NFYC: variants seen among roughly 807,000 people sequenced by gnomAD.
NFYC encodes nuclear transcription factor Y subunit gamma, also known as CAAT box DNA-binding protein subunit C.
NFYC carries 25 observed loss-of-function variants against 53.1 expected under a neutral mutation model. The observed-to-expected ratio is 0.47, with a 90% CI of 0.34 to 0.66. The LOEUF (loss-of-function observed/expected upper bound fraction) is 0.66. Ranked by LOEUF, NFYC falls within the 30% of genes least tolerant of loss-of-function variation. The pLI is 0.01. For synonymous variants in NFYC, 145 were observed against 152.6 expected (o/e 0.95, Z 0.37); for missense variants, 260 against 422.7 (o/e 0.62, Z 3.38).
intron 2 of NFYC, among the ~76,000 whole-genome samples, chr1:40,741,375 C>T (rs1272863995): frequency 6.6e-6 from 1 of 152,110 alleles, no homozygotes; most frequent in African/African-American, 2.4e-5. Context: ...TGTAAGTGTT[C>T]TGAGCACATT....
chr1:40,703,036 T>G (rs1643516967), intron 1 of NFYC, among the ~76,000 whole-genome samples: 1 of 151,734 alleles, frequency 6.6e-6, no homozygotes, highest in Non-Finnish European at 1.5e-5. Context: ...AGGCTGGTCT[T>G]GAACTCCTGA....
chr1:40,725,975 TATC>T (rs1323843896), intron 1 of NFYC, among the ~76,000 whole-genome samples: 1 of 152,194 alleles, frequency 6.6e-6, no homozygotes. Flanking sequence ...AAATGCAAAT[TATC>T]ATCTGAACTT....
At chr1:40,705,904 C>T (rs909028618) in intron 1 of NFYC, among the ~76,000 whole-genome samples, 1 of 152,054 alleles carries the variant, frequency 6.6e-6, no homozygotes, top group South Asian at 2.1e-4. Context: ...TGCCACCACA[C>T]CTAGCTAATT....
intron 2 of NFYC, among the ~76,000 whole-genome samples, chr1:40,747,050 A>G (rs1267237896): frequency 6.6e-6 from 1 of 152,226 alleles, no homozygotes; most frequent in East Asian, 1.9e-4. Context: ...TATCAGTTGT[A>G]AAGAACTGTG....
At chr1:40,730,034 G>A (rs961378165) in intron 1 of NFYC, among the ~76,000 whole-genome samples, 1 of 151,266 alleles carries the variant, frequency 6.6e-6, no homozygotes, top group Admixed American at 6.6e-5. Flanking sequence ...GCTTTCGATT[G>A]ATTGAGTTAG....
chr1:40,747,375 C>T (rs1415801413), intron 2 of NFYC, among the ~76,000 whole-genome samples, 159 bp from the exon 3 acceptor site: 1 of 152,012 alleles, frequency 6.6e-6, no homozygotes, highest in African/African-American at 2.4e-5. Context: ...AAGAATTTTG[C>T]TCTGGAGCTT....
intron 3 of NFYC, 113 bp from the exon 4 acceptor site, chr1:40,749,460 C>T: frequency 1.3e-6 from 1 of 762,240 alleles, no homozygotes; most frequent in Non-Finnish European, 2.3e-6. Flanking sequence ...TTGAGTATAC[C>T]ACCTCATTTT....
intron 1 of NFYC, among the ~76,000 whole-genome samples, chr1:40,715,469 C>T (rs1217533466): frequency 6.6e-6 from 1 of 151,804 alleles, no homozygotes; most frequent in East Asian, 1.9e-4. Context: ...TCTCGAACTC[C>T]TGGCCTCAAA....
intron 1 of NFYC, among the ~76,000 whole-genome samples, chr1:40,706,161 A>G (rs1230851721): frequency 2.0e-5 from 3 of 152,100 alleles, no homozygotes; most frequent in African/African-American, 7.2e-5. Context: ...TGTCTTGGTA[A>G]GCAGTGTGGT....
At chr1:40,696,932 C>T (rs1643178666) in intron 1 of NFYC, among the ~76,000 whole-genome samples, 2 of 152,182 alleles carry the variant, frequency 1.3e-5, no homozygotes, top group South Asian at 2.1e-4. Context: ...ACTCAAAGCA[C>T]TCAATATAAT....
intron 3 of NFYC, among the ~76,000 whole-genome samples, chr1:40,748,134 C>A (rs959238328): frequency 6.6e-6 from 1 of 151,666 alleles, no homozygotes; most frequent in Non-Finnish European, 1.5e-5. Flanking sequence ...CCGCATCTGG[C>A]CTTTTCTTTC....
chr1:40,757,956 A>G (rs1476251043), intron 5 of NFYC, 165 bp from the exon 6 acceptor site: 15 of 686,636 alleles, frequency 2.2e-5, no homozygotes, highest in Non-Finnish European at 3.4e-5. Context: ...TTGATTTAGC[A>G]TAACTGGTCT....
intron 7 of NFYC, among the ~76,000 whole-genome samples, chr1:40,765,141 C>CTT (rs1208500930): frequency 6.6e-6 from 1 of 152,184 alleles, no homozygotes; most frequent in Admixed American, 6.5e-5. Context: ...CCACAAGCAA[C>CTT]TTAACATTGT....
At chr1:40,755,977 G>T (rs910614311) in intron 5 of NFYC, among the ~76,000 whole-genome samples, 2 of 151,878 alleles carry the variant, frequency 1.3e-5, no homozygotes, top group Non-Finnish European at 2.9e-5. Flanking sequence ...CACAGGTCAC[G>T]GCTAGAAAAT....
At chr1:40,699,535 T>A (rs1441021535) in intron 1 of NFYC, among the ~76,000 whole-genome samples, 1 of 152,220 alleles carries the variant, frequency 6.6e-6, no homozygotes, top group Non-Finnish European at 1.5e-5. Flanking sequence ...AATTTGCTCA[T>A]TATGAAATGA....
chr1:40,733,009 C>G (rs1466675438), intron 1 of NFYC, among the ~76,000 whole-genome samples: 3 of 28,556 alleles, frequency 1.1e-4, no homozygotes, highest in Non-Finnish European at 2.2e-4. Flanking sequence ...CCAAGATTCG[C>G]CCCCCCCCCC....
rs149388854 is a variant in NFYC at position 40,699,326 on chromosome 1, T to A, written c.-9+7459T>A. 2.0e-5 allele frequency among the ~76,000 whole-genome samples: 3 copies of A among 152,322 alleles called. No individual in the cohort carries two copies. In the East Asian group the frequency reaches 5.8e-4, roughly 29 times the overall value. On this transcript the variant is annotated intron_variant, in intron 1 of 9. Coordinates refer to ENST00000447388, the MANE Select transcript of NFYC (RefSeq NM_014223.5). ...GCCCTTGGCCTCCAGAGCTGTAAAC[T>A]GTCCAGTAATCTCTATGAAGTTGAG...
intron 1 of NFYC, chr1:40,692,118 G>C (rs1355040633): frequency 5.6e-5 from 11 of 196,980 alleles, no homozygotes; most frequent in Non-Finnish European, 1.1e-4. Context: ...AGGCGACGGC[G>C]GGGGGGCTCG....
chr1:40,730,673 G>C, intron 1 of NFYC: 1 of 889,336 alleles, frequency 1.1e-6, no homozygotes, highest in Non-Finnish European at 1.3e-6. Context: ...GGAATGGTTG[G>C]GAACTCAACC....
Sources: allele counts gnomAD v4.1 joint callset (sites outside exome capture counted in the v4.1 genomes callset), GRCh38; gene constraint gnomAD v4.1.1; transcripts MANE v1.5; gene names NCBI Gene and HGNC (gene_info 2026-07-23, HGNC 2026-07-21).